The following TYW1B variants were observed in gnomAD, a reference collection of about 807,000 sequenced individuals.
The protein encoded by TYW1B is tRNA-yW synthesizing protein 1 homolog B.
A neutral mutation model predicts 86.9 loss-of-function variants in TYW1B; 73 were observed. That is an observed-to-expected ratio of 0.84 (90% confidence interval 0.70 to 1.02). The LOEUF (loss-of-function observed/expected upper bound fraction) is 1.02. TYW1B is among the 50% of genes least tolerant of loss of function. The pLI, the probability that TYW1B is intolerant of heterozygous loss-of-function variation, is 0.00. For synonymous variants in TYW1B, 248 were observed against 292.8 expected, an observed-to-expected ratio of 0.85 and a Z score of 1.56; for missense variants, 637 against 827.4, an observed-to-expected ratio of 0.77 and a Z score of 2.82.
intron 13 of TYW1B, among the ~76,000 whole-genome samples, chr7:72,580,974 AT>A: frequency 1.7e-5 from 2 of 116,658 alleles, no homozygotes; most frequent in South Asian, 6.8e-4. Flanking sequence ...ATGCTTTAGA[AT>A]TCCTCAAAGG....
At chr7:72,580,304 C>T (rs1485381397) in intron 13 of TYW1B, among the ~76,000 whole-genome samples, 1 of 152,166 alleles carries the variant, frequency 6.6e-6, no homozygotes, top group Non-Finnish European at 1.5e-5. Context: ...GTATGACTGA[C>T]ACACAAACAG....
At chr7:72,727,100 A>G (rs1787013550) in intron 9 of TYW1B, among the ~76,000 whole-genome samples, 1 of 152,148 alleles carries the variant, frequency 6.6e-6, no homozygotes, top group African/African-American at 2.4e-5. Flanking sequence ...ACAATTCAAG[A>G]TGAGATTTGG....
chr7:72,610,153 T>C (rs1811899801), intron 13 of TYW1B, among the ~76,000 whole-genome samples: 2 of 152,202 alleles, frequency 1.3e-5, no homozygotes, highest in South Asian at 2.1e-4. Context: ...GTGAAAAAGC[T>C]ATTGAGGCAC....
intron 11 of TYW1B, among the ~76,000 whole-genome samples, chr7:72,672,939 C>A (rs34613428): frequency 6.6e-6 from 1 of 152,160 alleles, no homozygotes; most frequent in South Asian, 2.1e-4. Flanking sequence ...GAGGCCAAGG[C>A]GGGTGGATCA....
At chr7:72,751,595 T>G (rs1554465082) in intron 7 of TYW1B, among the ~76,000 whole-genome samples, 1 of 152,254 alleles carries the variant, frequency 6.6e-6, no homozygotes, top group Non-Finnish European at 1.5e-5. Context: ...ACAGCTACTT[T>G]AAAATCCTTG....
rs1289958815 is a variant in TYW1B at position 72,810,492 on chromosome 7, G to A, written c.411C>T (p.Ala137=). 4.3e-6 allele frequency: 7 copies of A among 1,613,296 alleles called. No homozygotes were observed. Among genetic ancestry groups the A allele is most frequent in the Non-Finnish European group, 5.9e-6 (7 of 1,179,638 alleles). ...CTACCTTGTTGAAGTGGCTAGCATA[G>A]GCAGAATTTCCCAGGCCAAATACCG... ...RDAVFGLGNS[A]YASHFNKVGK... Residue 137 remains alanine (A), a synonymous_variant, in exon 4 of 14, where the codon GCC becomes GCT. Transcript: ENST00000620995.
chr7:72,665,235 C>T (rs1892751), intron 11 of TYW1B, among the ~76,000 whole-genome samples: 74,119 of 145,914 alleles, frequency 0.51, 18,414 homozygotes, highest in Non-Finnish European at 0.63. Context: ...CATCTTTGTA[C>T]TGTCTACTCA....
chr7:72,773,707 T>C (rs2129571953), intron 7 of TYW1B, among the ~76,000 whole-genome samples: 1 of 152,276 alleles, frequency 6.6e-6, no homozygotes, highest in African/African-American at 2.4e-5. Flanking sequence ...AAAGAACCAT[T>C]TTTGGAAGAC....
At position 72,575,627 on chromosome 7, in the gene TYW1B, C is replaced by T. The variant is rs782241213; in HGVS notation, c.1878G>A (p.Thr626=). Residue 626 remains threonine, a synonymous_variant, in exon 14 of 14, where the codon ACG becomes ACA. Coordinates refer to ENST00000620995, the MANE Select transcript of TYW1B (RefSeq NM_001145440.3). ...TGGCCATATAATCCTTTGCGCTGAA[C>T]GTTTTTGATCCACCACTATCTTCAT... ...QEYEDSGGSK[T]FSAKDYMART... The T allele has an allele frequency of 1.9e-5, 30 of 1,613,678 alleles. No homozygotes were observed. The highest frequency in any genetic ancestry group is 6.7e-5 in the African/African-American group (5 of 74,864).
At chr7:72,763,882 T>C (rs1054841779) in intron 7 of TYW1B, among the ~76,000 whole-genome samples, 10 of 152,226 alleles carry the variant, frequency 6.6e-5, no homozygotes, top group Admixed American at 5.2e-4. Flanking sequence ...ATGGAATGCA[T>C]TGACAAATGG....
intron 5 of TYW1B, among the ~76,000 whole-genome samples, chr7:72,803,297 C>G (rs1554476137): frequency 6.6e-6 from 1 of 152,038 alleles, no homozygotes; most frequent in Non-Finnish European, 1.5e-5. Context: ...GTGGGAACAA[C>G]TAACACTTCA....
chr7:72,672,908 C>A (rs35488755), intron 11 of TYW1B, among the ~76,000 whole-genome samples: 4 of 152,204 alleles, frequency 2.6e-5, no homozygotes, highest in Admixed American at 2.0e-4. Flanking sequence ...GTGGCTCATG[C>A]CTGTAATCCC....
At chr7:72,632,346 T>TTATATATATTATATATATATACATG (rs1812527966) in intron 11 of TYW1B, among the ~76,000 whole-genome samples, 1 of 103,594 alleles carries the variant, frequency 9.7e-6, no homozygotes, top group Non-Finnish European at 1.8e-5. Context: ...CGTATATATA[T>TTATATATATTATATATATATACATG]TATATATATT....
At position 72,574,679 on chromosome 7, in the gene TYW1B, A is replaced by G; in HGVS notation, c.*819T>C. 1.0e-6 allele frequency: 1 copy of G among 985,458 alleles called. No homozygotes were observed. The highest frequency in any genetic ancestry group is 1.2e-6 in the Non-Finnish European group (1 of 829,942). 61.0% of individuals were successfully genotyped at this position (985,458 alleles called of 1,614,324 possible). Reference sequence around the variant, plus strand: ...CAGCGAGGGCCACAGGAGTCAAAGAAGATGGAGACCCGCCGTCTGGTCGTG... The same window carrying G: ...CAGCGAGGGCCACAGGAGTCAAAGAGGATGGAGACCCGCCGTCTGGTCGTG... On this transcript the variant is annotated 3_prime_UTR_variant, in exon 14 of 14. Transcript: ENST00000620995.
intron 4 of TYW1B, among the ~76,000 whole-genome samples, chr7:72,809,112 G>A (rs1470562332): frequency 5.5e-5 from 8 of 144,996 alleles, no homozygotes; most frequent in Non-Finnish European, 1.2e-4. Context: ...GTGAGATCTC[G>A]GCTCACTGCA....
chr7:72,616,628 G>C, intron 13 of TYW1B, 44 bp downstream of exon 13: 1 of 1,613,626 alleles, frequency 6.2e-7, no homozygotes, highest in South Asian at 1.1e-5. Context: ...GGAAAGAACA[G>C]CAGGGTCAGG....
intron 7 of TYW1B, among the ~76,000 whole-genome samples, chr7:72,770,004 C>T (rs1261412631): frequency 1.3e-5 from 2 of 151,450 alleles, no homozygotes; most frequent in Middle Eastern, 3.2e-3. Flanking sequence ...CACTTGAACC[C>T]GAGAGGTGCA....
At chr7:72,702,349 G>A (rs1229960877) in intron 10 of TYW1B, among the ~76,000 whole-genome samples, 5 of 152,026 alleles carry the variant, frequency 3.3e-5, no homozygotes, top group African/African-American at 9.7e-5. Flanking sequence ...CACAGCTGCC[G>A]GGCTGCTGGT....
intron 1 of TYW1B, among the ~76,000 whole-genome samples, chr7:72,827,733 TAA>T (rs1409695986): frequency 1.3e-5 from 2 of 152,030 alleles, no homozygotes; most frequent in Non-Finnish European, 2.9e-5. Flanking sequence ...TTTTTTTTTT[TAA>T]GAGAGATATG....
Sources: gnomAD v4.1 joint callset for allele counts (sites outside exome capture counted in the v4.1 genomes callset) on GRCh38, gnomAD v4.1.1 for gene constraint, MANE v1.5 for transcripts, NCBI Gene and HGNC (gene_info 2026-07-23, HGNC 2026-07-21) for gene names.